RALGPS1: variants seen among roughly 807,000 people sequenced by gnomAD.
RALGPS1 encodes the protein Ral GEF with PH domain and SH3 binding motif 1.
RALGPS1 carries 19 observed loss-of-function variants against 78.8 expected under a neutral mutation model. That is an observed-to-expected ratio of 0.24 (90% CI 0.17 to 0.35). The LOEUF is 0.35. RALGPS1 is among the 10% of genes least tolerant of loss of function. The pLI, the probability that RALGPS1 is intolerant of heterozygous loss-of-function variation, is 1.00. For synonymous variants in RALGPS1, 228 were observed against 256.3 expected (o/e 0.89, Z 1.06); for missense variants, 454 against 688.3 (o/e 0.66, Z 3.81).
chr9:127,173,272 G>A (rs1316867030), intron 10 of RALGPS1, among the ~76,000 whole-genome samples: 1 of 152,156 alleles, frequency 6.6e-6, no homozygotes, highest in Non-Finnish European at 1.5e-5. Flanking sequence ...ATTTCCATCA[G>A]AGGAGCTGCC....
intron 10 of RALGPS1, among the ~76,000 whole-genome samples, chr9:127,173,374 G>A (rs2059664426): frequency 6.6e-6 from 1 of 152,188 alleles, no homozygotes; most frequent in South Asian, 2.1e-4. Flanking sequence ...CCCTCATTGG[G>A]CTTGACAGGA....
intron 6 of RALGPS1, 45 bp from the exon 7 acceptor site, chr9:127,052,802 G>C (rs376849157): frequency 6.7e-5 from 86 of 1,280,996 alleles, no homozygotes; most frequent in Non-Finnish European, 9.0e-5. Context: ...TTTTTGTTCT[G>C]TTGTTTATAG....
chr9:127,069,040 C>T lies in RALGPS1; in HGVS notation c.484-190C>T, dbSNP rs543029856. On this transcript the variant is annotated intron_variant, in intron 7 of 18. Coordinates refer to ENST00000259351, the MANE Select transcript of RALGPS1 (RefSeq NM_014636.3). ...AATTTGGTCCAGTGTCCAAGCCCCA[C>T]CTCTGGAGTCGAGTCCTGCCTCCTT... 6.6e-5 allele frequency among the ~76,000 whole-genome samples: 10 copies of T among 152,260 alleles called. No homozygotes were observed. The South Asian group carries it at 1.2e-3, about 19-fold the overall frequency.
At chr9:127,146,542 C>CT (rs60707997) in intron 8 of RALGPS1, among the ~76,000 whole-genome samples, 4,347 of 130,810 alleles carry the variant, frequency 0.033, 200 homozygotes, top group African/African-American at 0.099. Context: ...GTGCATGTGT[C>CT]TTTTTTTTTT....
Position 127,218,754 on chromosome 9 carries a change from T to C in RALGPS1, c.1659T>C (p.Leu553=), listed in dbSNP as rs2062697821. 1 of 1,613,976 alleles carries C rather than the reference T, an allele frequency of 6.2e-7. No individual in the cohort carries two copies. Among genetic ancestry groups the C allele is most frequent in the Admixed American group, 1.7e-5 (1 of 60,006 alleles). ...KSNRPQVPAN[L]MSFE ...TTCTCTTCTAGGTACCTGCAAACCT[T>C]ATGTCATTTGAGTAAGTCTCTGCAG... is the stretch of plus-strand genomic sequence containing the variant. Residue 553 remains leucine (L), a synonymous_variant, in exon 19 of 19, where the codon CTT becomes CTC. Transcript: ENST00000259351. This position sits in a 1 kb window ranked among gnomAD's most constrained non-coding sequence, Gnocchi z 4.4.
Position 127,104,990 on chromosome 9 carries a change from G to C in RALGPS1, c.610+35634G>C, listed in dbSNP as rs541395628. On this transcript the variant is annotated intron_variant, in intron 8 of 18. Coordinates refer to ENST00000259351, the MANE Select transcript of RALGPS1 (RefSeq NM_014636.3). ...GCTCATTGGATGCCCTGACTGTTCC[G>C]TGCAGAGAGACCATCTGTTTTTTCC... is the stretch of plus-strand genomic sequence containing the variant. 3.9e-5 allele frequency among the ~76,000 whole-genome samples: 6 copies of C among 152,202 alleles called. No homozygotes were observed. In the South Asian group the frequency reaches 8.3e-4, roughly 21 times the overall value.
chr9:126,975,232 CTGT>C (rs1466770157), intron 3 of RALGPS1, among the ~76,000 whole-genome samples: 5 of 152,152 alleles, frequency 3.3e-5, no homozygotes, highest in African/African-American at 1.2e-4. Flanking sequence ...CTGGTGACCT[CTGT>C]TGTTGTTTGT....
intron 5 of RALGPS1, among the ~76,000 whole-genome samples, chr9:127,035,109 G>A (rs549477423): frequency 7.2e-5 from 11 of 152,220 alleles, no homozygotes; most frequent in Admixed American, 2.0e-4. Flanking sequence ...CTTCCTTGCC[G>A]GCCTGGGAGC....
intron 11 of RALGPS1, chr9:127,178,389 C>T: frequency 2.3e-6 from 2 of 870,732 alleles, no homozygotes; most frequent in South Asian, 7.2e-5. Flanking sequence ...GCCTCAGTGT[C>T]TCTATCTGTA....
intron 4 of RALGPS1, among the ~76,000 whole-genome samples, chr9:127,008,561 T>G (rs1213303998): frequency 1.3e-5 from 2 of 152,134 alleles, no homozygotes; most frequent in Non-Finnish European, 2.9e-5. Flanking sequence ...GATCCCTAGT[T>G]GCCTAGAATC....
chr9:127,131,637 G>A (rs1055252480), intron 8 of RALGPS1, among the ~76,000 whole-genome samples: 2 of 152,152 alleles, frequency 1.3e-5, no homozygotes, highest in Admixed American at 6.6e-5. Context: ...TGTTTGACCC[G>A]GAGTCCACAC....
At chr9:126,986,328 A>G (rs2041798591) in intron 4 of RALGPS1, among the ~76,000 whole-genome samples, 1 of 152,220 alleles carries the variant, frequency 6.6e-6, no homozygotes, top group South Asian at 2.1e-4. Flanking sequence ...GCTTTGTAGC[A>G]TAATATCTCA....
intron 4 of RALGPS1, among the ~76,000 whole-genome samples, chr9:126,987,320 C>A (rs1345392810): frequency 6.6e-6 from 1 of 152,080 alleles, no homozygotes; most frequent in African/African-American, 2.4e-5. Flanking sequence ...TGAAAGAGAT[C>A]ATCTCTTATT....
intron 10 of RALGPS1, among the ~76,000 whole-genome samples, chr9:127,171,563 C>T (rs1297711625): frequency 6.6e-6 from 1 of 152,192 alleles, no homozygotes; most frequent in Admixed American, 6.5e-5. Context: ...AGTTCAAGAA[C>T]AGCCTGACCA....
chr9:126,950,652 A>G (rs1167287907), intron 1 of RALGPS1, among the ~76,000 whole-genome samples: 8 of 152,106 alleles, frequency 5.3e-5, no homozygotes, highest in Non-Finnish European at 1.2e-4. Context: ...AATCTCTGGG[A>G]CACATTCAAA....
chr9:127,190,870 G>T (rs1400562055), intron 11 of RALGPS1, among the ~76,000 whole-genome samples: 1 of 152,130 alleles, frequency 6.6e-6, no homozygotes, highest in Non-Finnish European at 1.5e-5. Flanking sequence ...TAGAGTTCCT[G>T]TTCCTCCCCT....
chr9:127,195,095 C>T lies in RALGPS1; in HGVS notation c.915C>T (p.Pro305=), dbSNP rs764117448. The change falls in exon 12 of 19, where the codon CCC becomes CCT. Residue 305 remains proline, a synonymous_variant. Coordinates refer to ENST00000259351, the MANE Select transcript of RALGPS1 (RefSeq NM_014636.3). The part of the protein sequence containing the change: ...LVSSKEDLAG[P]SAGSGSARFS... Reference sequence around the variant, plus strand: ...CTCTCTCTGCTCTGTTTGCAGGTCCCTCTGCTGGCTCCGGTTCTGCGAGGT... The same window carrying T: ...CTCTCTCTGCTCTGTTTGCAGGTCCTTCTGCTGGCTCCGGTTCTGCGAGGT... 23 of 1,613,328 alleles carry T rather than the reference C, an allele frequency of 1.4e-5. No individual in the cohort carries two copies. Among genetic ancestry groups the T allele is most frequent in the South Asian group, 1.1e-5 (1 of 91,084 alleles).
intron 1 of RALGPS1, among the ~76,000 whole-genome samples, chr9:126,955,876 G>A (rs542927210): frequency 2.0e-5 from 3 of 152,296 alleles, no homozygotes; most frequent in South Asian, 4.1e-4. Context: ...TGAACTTGAT[G>A]TTTAGGAACG....
intron 11 of RALGPS1, among the ~76,000 whole-genome samples, chr9:127,187,325 C>T (rs1348832833): frequency 6.6e-6 from 1 of 152,194 alleles, no homozygotes; most frequent in African/African-American, 2.4e-5. Context: ...CCGTGTTCCT[C>T]CTTCCTCATG....
Sources: allele counts gnomAD v4.1 joint callset (sites outside exome capture counted in the v4.1 genomes callset), GRCh38; gene constraint gnomAD v4.1.1; non-coding constraint Gnocchi (gnomAD v3.1); transcripts MANE v1.5; gene names NCBI Gene and HGNC (gene_info 2026-07-23, HGNC 2026-07-21).